Variants in CNTNAP4 observed in about 807,000 individuals in gnomAD.
The protein encoded by CNTNAP4 is contactin associated protein family member 4.
In CNTNAP4, 98 loss-of-function variants were observed where a neutral mutation model predicts 148.4. The observed-to-expected ratio is 0.66, with a 90% CI of 0.56 to 0.78. The LOEUF (loss-of-function observed/expected upper bound fraction) is 0.78. CNTNAP4 is among the 30% of genes least tolerant of loss of function. The pLI is 0.00. For missense variants in CNTNAP4, 1,935 were observed against 1,565.6 expected (o/e 1.24, Z -3.98); for synonymous variants, 730 against 565.1 (o/e 1.29, Z -4.14).
intron 3 of CNTNAP4, among the ~76,000 whole-genome samples, chr16:76,412,388 C>T (rs2078830640): frequency 6.6e-6 from 1 of 151,182 alleles, no homozygotes. Context: ...ATTGCCAACT[C>T]ATAAAAAATG....
chr16:76,465,023 A>G (rs188267324), intron 9 of CNTNAP4, among the ~76,000 whole-genome samples: 35 of 152,302 alleles, frequency 2.3e-4, no homozygotes, highest in Non-Finnish European at 4.3e-4. Flanking sequence ...TGTGTGCAAA[A>G]TTCTCACATC....
At chr16:76,475,143 C>T (rs1254253646) in intron 10 of CNTNAP4, among the ~76,000 whole-genome samples, 3 of 151,624 alleles carry the variant, frequency 2.0e-5, no homozygotes, top group African/African-American at 4.9e-5. Flanking sequence ...TGCCACTGCA[C>T]ACCAACTGGG....
rs535205627 is a variant in CNTNAP4 at position 76,386,936 on chromosome 16, C to G, written c.390+31425C>G. Among the ~76,000 whole-genome samples, 145 of 152,242 alleles carry G rather than the reference C, an allele frequency of 9.5e-4. 1 individual carries two copies. The highest frequency in any genetic ancestry group is 3.2e-3 in the African/African-American group (135 of 41,540). On this transcript the variant is annotated intron_variant, in intron 3 of 23. Coordinates refer to ENST00000611870, the MANE Select transcript of CNTNAP4 (RefSeq NM_033401.5). ...ATAGAGTTATGCAATCTGTGAATGA[C>G]TCAACTTGCTTTTGTTGGCTTTGAA...
In CNTNAP4 at chr16:76,338,462, A is replaced by G. The variant is rs188108611; in HGVS notation, c.197-16856A>G. ...CCTCACATTGGTTTGCCCTCATGTCATTCCTCTGCTTGGAAGGCTCCAATC... is the reference window on the plus strand; with the variant it reads ...CCTCACATTGGTTTGCCCTCATGTCGTTCCTCTGCTTGGAAGGCTCCAATC... On this transcript the variant is annotated intron_variant, in intron 2 of 23. Coordinates refer to ENST00000611870, the MANE Select transcript of CNTNAP4 (RefSeq NM_033401.5). 2.4e-4 allele frequency among the ~76,000 whole-genome samples: 36 copies of G among 152,082 alleles called. No individual in the cohort carries two copies. In the East Asian group the frequency reaches 7.0e-3, roughly 30 times the overall value.
At chr16:76,435,832 A>G (rs1267400444) in intron 4 of CNTNAP4, among the ~76,000 whole-genome samples, 1 of 152,140 alleles carries the variant, frequency 6.6e-6, no homozygotes, top group Non-Finnish European at 1.5e-5. Context: ...CTAAGCTGCA[A>G]CGTTAAATGC....
intron 1 of CNTNAP4, among the ~76,000 whole-genome samples, chr16:76,293,223 C>T (rs1181549975): frequency 4.6e-5 from 7 of 151,988 alleles, no homozygotes; most frequent in East Asian, 3.9e-4. Flanking sequence ...CTCCCGGGTT[C>T]GAGCGATTCT....
At chr16:76,393,528 A>G (rs1444809690) in intron 3 of CNTNAP4, among the ~76,000 whole-genome samples, 1 of 152,054 alleles carries the variant, frequency 6.6e-6, no homozygotes, top group East Asian at 1.9e-4. Flanking sequence ...CTGGGCCCCA[A>G]AGTGCTCACA....
At chr16:76,468,379 C>A (rs1488810698) in intron 10 of CNTNAP4, among the ~76,000 whole-genome samples, 1 of 152,058 alleles carries the variant, frequency 6.6e-6, no homozygotes, top group Non-Finnish European at 1.5e-5. Context: ...GAGGCTGAGG[C>A]AGGAGAATCA....
chr16:76,438,107 G>A (rs1369789615), intron 4 of CNTNAP4, among the ~76,000 whole-genome samples: 3 of 152,108 alleles, frequency 2.0e-5, no homozygotes, highest in Non-Finnish European at 2.9e-5. Context: ...AAAATAGCTA[G>A]ATTTTACTAG....
intron 1 of CNTNAP4, among the ~76,000 whole-genome samples, chr16:76,312,745 A>G (rs959429019): frequency 2.6e-5 from 4 of 152,184 alleles, no homozygotes; most frequent in Non-Finnish European, 5.9e-5. Context: ...CGTTATAGAT[A>G]CGGTTCTATC....
At chr16:76,452,156 G>C (rs1273668190) in intron 7 of CNTNAP4, among the ~76,000 whole-genome samples, 1 of 150,840 alleles carries the variant, frequency 6.6e-6, no homozygotes, top group African/African-American at 2.4e-5. Flanking sequence ...TTCATTCATT[G>C]GAACAATGTA....
In CNTNAP4 at chr16:76,553,355, A is replaced by G; in HGVS notation, c.3515A>G (p.Gln1172Arg). The G allele has an allele frequency of 6.2e-7, 1 of 1,612,972 alleles. No individual in the cohort carries two copies. The highest frequency in any genetic ancestry group is 8.5e-7 in the Non-Finnish European group (1 of 1,179,476). The change falls in exon 22 of 24, where the codon CAG becomes CGG. Residue 1172 changes from glutamine (Q) to arginine (R), a missense_variant. Gln to Arg is a conservative substitution (Grantham distance 43, BLOSUM62 1). Coordinates refer to ENST00000611870, the MANE Select transcript of CNTNAP4 (RefSeq NM_033401.5). ...TTCACAGGCTGCCTCTCTGCAGTGCAGCTCAGCCACGTGGCCCCTCTGAAG... is the reference window on the plus strand; with the variant it reads ...TTCACAGGCTGCCTCTCTGCAGTGCGGCTCAGCCACGTGGCCCCTCTGAAG... ...QGFTGCLSAVQLSHVAPLKAA... is the reference protein window; with the variant it reads ...QGFTGCLSAVRLSHVAPLKAA...
At chr16:76,431,069 T>C (rs1351239262) in intron 4 of CNTNAP4, among the ~76,000 whole-genome samples, 1 of 151,672 alleles carries the variant, frequency 6.6e-6, no homozygotes, top group Non-Finnish European at 1.5e-5. Flanking sequence ...GTAGAAGGAG[T>C]ATAGGGTGTG....
intron 17 of CNTNAP4, among the ~76,000 whole-genome samples, chr16:76,528,668 A>G (rs775268325): frequency 4.6e-5 from 7 of 152,214 alleles, no homozygotes; most frequent in African/African-American, 1.7e-4. Flanking sequence ...CCTCTCTGCT[A>G]AAAGCCGGTC....
intron 3 of CNTNAP4, among the ~76,000 whole-genome samples, chr16:76,371,668 C>G (rs1030846633): frequency 6.6e-6 from 1 of 152,186 alleles, no homozygotes; most frequent in East Asian, 1.9e-4. Flanking sequence ...AAATGTTTTG[C>G]TTAGCTGGAA....
intron 21 of CNTNAP4, among the ~76,000 whole-genome samples, chr16:76,548,662 A>C (rs915893968): frequency 6.6e-6 from 1 of 152,050 alleles, no homozygotes; most frequent in Admixed American, 6.5e-5. Flanking sequence ...TAACAGGCAC[A>C]AACACCCAGA....
At chr16:76,535,916 T>C in intron 18 of CNTNAP4, 132 bp downstream of exon 18, 1 of 941,626 alleles carries the variant, frequency 1.1e-6, no homozygotes, top group East Asian at 2.6e-5. Flanking sequence ...AAGTATCTGT[T>C]GAATGTAAAG....
intron 3 of CNTNAP4, among the ~76,000 whole-genome samples, chr16:76,379,310 C>G (rs908963540): frequency 6.6e-6 from 1 of 152,146 alleles, no homozygotes; most frequent in African/African-American, 2.4e-5. Flanking sequence ...CACAGAAACT[C>G]TTATATCTTA....
At chr16:76,450,696 A>G (rs891087431) in intron 7 of CNTNAP4, among the ~76,000 whole-genome samples, 3 of 152,226 alleles carry the variant, frequency 2.0e-5, no homozygotes, top group Non-Finnish European at 4.4e-5. Context: ...ACAATATTGC[A>G]TCGGCCAATC....
Sources: gnomAD v4.1 joint callset for allele counts (sites outside exome capture counted in the v4.1 genomes callset) on GRCh38, gnomAD v4.1.1 for gene constraint, MANE v1.5 for transcripts, NCBI Gene and HGNC (gene_info 2026-07-23, HGNC 2026-07-21) for gene names.